Variants in KIF16B observed in about 807,000 individuals in gnomAD.
KIF16B encodes the protein kinesin family member 16B, also known as kinesin-like protein KIF16B.
A neutral mutation model predicts 156.3 loss-of-function variants in KIF16B; 98 were observed. That is an observed-to-expected ratio of 0.63 (90% CI 0.53 to 0.74). The LOEUF (loss-of-function observed/expected upper bound fraction) is 0.74, where lower values mean the gene tolerates loss of function less well. Among genes scored for constraint, KIF16B ranks in the 30% least tolerant of loss-of-function variants. The pLI is 0.00. For synonymous variants in KIF16B, 564 were observed against 583.7 expected, an observed-to-expected ratio of 0.97 and a Z score of 0.49; for missense variants, 1,421 against 1,606.5, an observed-to-expected ratio of 0.88 and a Z score of 1.97.
intron 12 of KIF16B, among the ~76,000 whole-genome samples, chr20:16,445,544 A>G (rs2066910707): frequency 6.6e-6 from 1 of 151,810 alleles, no homozygotes. Context: ...CAAATGGCCT[A>G]GAATTCTAAG....
At chr20:16,468,421 A>G (rs79338886) in intron 12 of KIF16B, among the ~76,000 whole-genome samples, 7,059 of 151,812 alleles carry the variant, frequency 0.046, 216 homozygotes, top group South Asian at 0.12. Context: ...CAAATACACA[A>G]AAAAATTAGC....
chr20:16,386,079 C>G (rs1386361033), intron 17 of KIF16B, among the ~76,000 whole-genome samples: 2 of 152,160 alleles, frequency 1.3e-5, no homozygotes, highest in Non-Finnish European at 2.9e-5. Context: ...AGGCCCTTAT[C>G]AAGGCTGAAG....
intron 24 of KIF16B, among the ~76,000 whole-genome samples, chr20:16,314,424 T>C (rs1364765783): frequency 6.6e-6 from 1 of 152,230 alleles, no homozygotes; most frequent in Non-Finnish European, 1.5e-5. Context: ...CAGAGAAACC[T>C]TGGAGTGGGT....
chr20:16,402,662 C>T (rs2065684406), intron 17 of KIF16B, among the ~76,000 whole-genome samples: 1 of 152,158 alleles, frequency 6.6e-6, no homozygotes, highest in Non-Finnish European at 1.5e-5. Flanking sequence ...GAGGCACAGG[C>T]TAGTCCACAT....
chr20:16,550,389 C>T (rs2070594936), intron 1 of KIF16B, among the ~76,000 whole-genome samples: 1 of 152,232 alleles, frequency 6.6e-6, no homozygotes, highest in African/African-American at 2.4e-5. Context: ...AACACTATTA[C>T]ACTGTTGGTG....
intron 2 of KIF16B, 41 bp downstream of exon 2, chr20:16,528,330 T>C (rs1391748879): frequency 2.0e-6 from 3 of 1,485,142 alleles, no homozygotes; most frequent in Non-Finnish European, 2.8e-6. Context: ...AAAGCAATCA[T>C]GGGGCTCTTG....
At chr20:16,436,571 A>T (rs1003835530) in intron 12 of KIF16B, among the ~76,000 whole-genome samples, 2 of 152,204 alleles carry the variant, frequency 1.3e-5, no homozygotes, top group African/African-American at 4.8e-5. Context: ...ATTTGAAGGT[A>T]CAGTGGGGGG....
At chr20:16,291,646 A>ATACTG (rs2063316571) in intron 25 of KIF16B, among the ~76,000 whole-genome samples, 1 of 152,246 alleles carries the variant, frequency 6.6e-6, no homozygotes, top group Non-Finnish European at 1.5e-5. Flanking sequence ...AGTCTAAAAA[A>ATACTG]TACTGGGCTA....
chr20:16,416,375 T>C (rs895501340), intron 15 of KIF16B, among the ~76,000 whole-genome samples: 10 of 152,142 alleles, frequency 6.6e-5, no homozygotes, highest in African/African-American at 2.4e-4. Context: ...CCATCTTGAG[T>C]TAATTTTTGT....
In KIF16B at chr20:16,573,425, C is replaced by A; in HGVS notation, c.-150G>T. On this transcript the variant is annotated 5_prime_UTR_variant, in exon 1 of 26. Coordinates refer to ENST00000354981, the MANE Select transcript of KIF16B (RefSeq NM_024704.5). ...GCCGGACCTGGAGTTCCGCGGCAGC[C>A]CCACCTGCCAGGCCACTGAGCATGC... is the stretch of plus-strand genomic sequence containing the variant. 1.3e-6 allele frequency: 1 copy of A among 794,544 alleles called. No homozygotes were observed. Among genetic ancestry groups the A allele is most frequent in the South Asian group, 1.7e-5 (1 of 58,030 alleles). 49.2% of individuals were successfully genotyped at this position (794,544 alleles called of 1,614,324 possible).
At chr20:16,536,921 A>G (rs935519723) in intron 1 of KIF16B, among the ~76,000 whole-genome samples, 9 of 151,982 alleles carry the variant, frequency 5.9e-5, no homozygotes, top group African/African-American at 2.2e-4. Context: ...GTGACACTCC[A>G]TCAAACAACC....
chr20:16,312,746 A>G (rs909322293), intron 24 of KIF16B, among the ~76,000 whole-genome samples: 1 of 148,854 alleles, frequency 6.7e-6, no homozygotes, highest in Non-Finnish European at 1.5e-5. Flanking sequence ...TTTAAAACAC[A>G]TGTTTGTTCT....
intron 12 of KIF16B, among the ~76,000 whole-genome samples, chr20:16,490,297 T>C (rs1474525317): frequency 6.6e-6 from 1 of 152,046 alleles, no homozygotes; most frequent in Non-Finnish European, 1.5e-5. Context: ...CCTGCAACAC[T>C]TTGGAGGCTG....
chr20:16,411,649 C>G (rs1221572687), intron 15 of KIF16B, among the ~76,000 whole-genome samples: 2 of 152,062 alleles, frequency 1.3e-5, no homozygotes, highest in Admixed American at 6.6e-5. Flanking sequence ...GGGGAACATA[C>G]TATTGTCATG....
intron 10 of KIF16B, among the ~76,000 whole-genome samples, chr20:16,502,087 A>G (rs2146984564): frequency 6.6e-6 from 1 of 152,328 alleles, no homozygotes; most frequent in African/African-American, 2.4e-5. Flanking sequence ...ATACATGTCA[A>G]AACCTTTTGC....
intron 1 of KIF16B, among the ~76,000 whole-genome samples, chr20:16,533,841 T>C (rs2069847716): frequency 6.6e-6 from 1 of 152,182 alleles, no homozygotes; most frequent in Non-Finnish European, 1.5e-5. Flanking sequence ...AAAAGATAAT[T>C]ACAGGTCATC....
At chr20:16,424,693 G>A (rs889642250) in intron 15 of KIF16B, among the ~76,000 whole-genome samples, 4 of 152,110 alleles carry the variant, frequency 2.6e-5, no homozygotes. Context: ...AATGGCATGG[G>A]CTGAGAAAAG....
intron 17 of KIF16B, among the ~76,000 whole-genome samples, chr20:16,399,200 A>C (rs73898709): frequency 0.034 from 5,204 of 152,134 alleles, 228 homozygotes; most frequent in African/African-American, 0.1. Flanking sequence ...AAGCTACAAG[A>C]CTGCTCACAG....
intron 1 of KIF16B, among the ~76,000 whole-genome samples, chr20:16,529,373 T>C (rs1033567040): frequency 2.6e-5 from 4 of 152,216 alleles, no homozygotes; most frequent in African/African-American, 7.2e-5. Flanking sequence ...CGAATGAATC[T>C]AGCTGTGTAC....
Sources: gnomAD v4.1 joint callset for allele counts (sites outside exome capture counted in the v4.1 genomes callset) on GRCh38, gnomAD v4.1.1 for gene constraint, MANE v1.5 for transcripts, NCBI Gene and HGNC (gene_info 2026-07-23, HGNC 2026-07-21) for gene names.